PCDH15: variants seen among roughly 807,000 people sequenced by gnomAD.
PCDH15 encodes the protein protocadherin-15.
In PCDH15, 129 loss-of-function variants were observed where a neutral mutation model predicts 178.5. The ratio of observed to expected loss-of-function variants is 0.72; its 90% CI spans 0.63 to 0.84. PCDH15 has a LOEUF of 0.84. Among genes scored for constraint, PCDH15 ranks in the 40% least tolerant of loss-of-function variants. PCDH15 has a pLI of 0.00. For synonymous variants in PCDH15, 800 were observed against 732.0 expected, an observed-to-expected ratio of 1.09 and a Z score of -1.50; for missense variants, 2,230 against 2,099.9, an observed-to-expected ratio of 1.06 and a Z score of -1.21.
intron 2 of PCDH15, among the ~76,000 whole-genome samples, chr10:55,004,191 T>A (rs1031995699): frequency 1.3e-5 from 2 of 152,124 alleles, no homozygotes; most frequent in African/African-American, 4.8e-5. Context: ...GAAAACTATA[T>A]AATTATATTA....
intron 1 of PCDH15, among the ~76,000 whole-genome samples, chr10:55,302,937 G>GAA: frequency 6.6e-6 from 1 of 152,162 alleles, no homozygotes; most frequent in South Asian, 2.1e-4. Flanking sequence ...AGGATGCAAA[G>GAA]ACCTTGAGTG....
At chr10:55,422,915 A>C (rs1838658279) in intron 2 of PCDH15, among the ~76,000 whole-genome samples, 1 of 151,938 alleles carries the variant, frequency 6.6e-6, no homozygotes, top group Non-Finnish European at 1.5e-5. Context: ...ATAAATCAAC[A>C]AAGGGAAAAT....
intron 29 of PCDH15, among the ~76,000 whole-genome samples, chr10:53,837,086 C>T (rs1454181012): frequency 6.7e-6 from 1 of 149,356 alleles, no homozygotes; most frequent in African/African-American, 2.5e-5. Context: ...AAAGAAAAAA[C>T]TGTGTGTCTA....
At chr10:55,533,425 T>C (rs1207040400) in intron 2 of PCDH15, among the ~76,000 whole-genome samples, 3 of 152,068 alleles carry the variant, frequency 2.0e-5, no homozygotes, top group Non-Finnish European at 2.9e-5. Flanking sequence ...AACATTTCTA[T>C]ACACTAATAA....
chr10:55,306,238 C>A (rs570466508), intron 1 of PCDH15, among the ~76,000 whole-genome samples: 1 of 152,238 alleles, frequency 6.6e-6, no homozygotes, highest in East Asian at 1.9e-4. Context: ...AACTTGCCCA[C>A]CTGAAAGTTG....
At chr10:54,249,296 A>G (rs12263698) in intron 8 of PCDH15, among the ~76,000 whole-genome samples, 7,221 of 152,076 alleles carry the variant, frequency 0.047, 457 homozygotes, top group African/African-American at 0.14. Flanking sequence ...AGCTTTCCAA[A>G]CCCACTAATG....
At chr10:54,895,150 T>C (rs1041918052) in intron 3 of PCDH15, among the ~76,000 whole-genome samples, 6 of 152,204 alleles carry the variant, frequency 3.9e-5, no homozygotes, top group Middle Eastern at 3.2e-3. Flanking sequence ...CAGTGTATCC[T>C]CATTTTACCC....
intron 21 of PCDH15, among the ~76,000 whole-genome samples, chr10:53,993,213 TTAAGAATTTTTTCTA>T (rs1430517311): frequency 6.6e-6 from 1 of 152,238 alleles, no homozygotes; most frequent in African/African-American, 2.4e-5. Context: ...CTTGGAGATA[TTAAGAATTTTTTCTA>T]CAGTAATACA....
At chr10:55,440,016 ACTT>A (rs1839141335) in intron 2 of PCDH15, among the ~76,000 whole-genome samples, 1 of 152,186 alleles carries the variant, frequency 6.6e-6, no homozygotes, top group Non-Finnish European at 1.5e-5. Context: ...AGCTTAGCTC[ACTT>A]ATTAAAAACA....
At chr10:54,248,417 A>G (rs1183833448) in intron 8 of PCDH15, among the ~76,000 whole-genome samples, 1 of 152,064 alleles carries the variant, frequency 6.6e-6, no homozygotes, top group Admixed American at 6.5e-5. Context: ...ACTAAGACAT[A>G]TCATACTTTT....
chr10:55,553,048 T>A (rs1412802586), intron 2 of PCDH15, among the ~76,000 whole-genome samples: 1 of 151,672 alleles, frequency 6.6e-6, no homozygotes, highest in Admixed American at 6.6e-5. Flanking sequence ...AGAGTACACA[T>A]GAAAGTTTTT....
intron 2 of PCDH15, among the ~76,000 whole-genome samples, chr10:55,520,521 G>GTA (rs1410109912): frequency 5.3e-4 from 70 of 132,646 alleles, no homozygotes; most frequent in Non-Finnish European, 9.4e-4. Context: ...GTGTGTGTGT[G>GTA]TGTATATATA....
chr10:54,289,176 A>T (rs1173518443), intron 8 of PCDH15, among the ~76,000 whole-genome samples: 2 of 152,170 alleles, frequency 1.3e-5, no homozygotes, highest in African/African-American at 2.4e-5. Context: ...AGGAAGGATC[A>T]GGCAGCAATA....
intron 21 of PCDH15, among the ~76,000 whole-genome samples, chr10:53,987,180 G>GA (rs2134722160): frequency 6.6e-6 from 1 of 151,770 alleles, no homozygotes; most frequent in African/African-American, 2.4e-5. Flanking sequence ...TAAAAATGAA[G>GA]AAAAATTAAT....
chr10:54,601,767 A>T (rs2092546424), intron 2 of PCDH15, among the ~76,000 whole-genome samples: 2 of 152,030 alleles, frequency 1.3e-5, no homozygotes, highest in African/African-American at 4.8e-5. Flanking sequence ...AATGTGGTAC[A>T]TATGCACCAC....
chr10:55,569,052 C>T (rs1051216381), intron 2 of PCDH15, among the ~76,000 whole-genome samples: 1 of 151,962 alleles, frequency 6.6e-6, no homozygotes, highest in Non-Finnish European at 1.5e-5. Context: ...TTTGAAGAGG[C>T]AATAAGGCGA....
intron 9 of PCDH15, among the ~76,000 whole-genome samples, chr10:54,218,822 A>T (rs1053739415): frequency 6.6e-6 from 1 of 152,230 alleles, no homozygotes; most frequent in African/African-American, 2.4e-5. Flanking sequence ...CATGGGACAG[A>T]GTAACATGTA....
intron 2 of PCDH15, among the ~76,000 whole-genome samples, chr10:54,652,558 T>C (rs946514076): frequency 6.6e-6 from 1 of 152,184 alleles, no homozygotes; most frequent in African/African-American, 2.4e-5. Context: ...TAACTCAGAA[T>C]GTAACTATAT....
At chr10:54,563,113 A>T (rs1162839438) in intron 2 of PCDH15, among the ~76,000 whole-genome samples, 1 of 152,322 alleles carries the variant, frequency 6.6e-6, no homozygotes, top group South Asian at 2.1e-4. Context: ...AAATAAAAAA[A>T]GTGCTATCAA....
Sources: allele counts gnomAD v4.1 joint callset (sites outside exome capture counted in the v4.1 genomes callset), GRCh38; gene constraint gnomAD v4.1.1; transcripts MANE v1.5; gene names NCBI Gene and HGNC (gene_info 2026-07-23, HGNC 2026-07-21).